Variants in CTNND2 observed in about 807,000 individuals in gnomAD.
CTNND2 encodes the protein catenin delta-2.
CTNND2 carries 22 observed loss-of-function variants against 144.4 expected under a neutral mutation model. The ratio of observed to expected loss-of-function variants is 0.15; its 90% CI spans 0.11 to 0.22. The LOEUF is 0.22. CTNND2 is among the 10% of genes least tolerant of loss of function. The pLI is 1.00. For synonymous variants in CTNND2, 751 were observed against 695.6 expected (o/e 1.08, Z -1.25); for missense variants, 1,353 against 1,618.8 (o/e 0.84, Z 2.82).
In CTNND2 at chr5:11,346,446, T is replaced by A; in HGVS notation, c.1554A>T (p.Lys518Asn). The stretch of plus-strand genomic sequence containing the variant: ...CTTCAGGCGGGAGAGCAGGGCCGGA[T>A]TTGCTGTATGGAGACTCAACAGAGG... ...YCPSVESPYS[K>N]SGPALPPEGT... The change falls in exon 9 of 22, where the codon AAA (lysine) becomes AAT (asparagine). Residue 518 changes from lysine to asparagine, a missense_variant. Transcript: ENST00000304623. 1 of 1,570,996 alleles carries A rather than the reference T, an allele frequency of 6.4e-7. No individual in the cohort carries two copies. The highest frequency in any genetic ancestry group is 8.6e-7 in the Non-Finnish European group (1 of 1,156,088).
chr5:11,746,847 T>C (rs796076421), intron 1 of CTNND2, among the ~76,000 whole-genome samples: 10 of 152,306 alleles, frequency 6.6e-5, no homozygotes, highest in African/African-American at 2.4e-4. Context: ...CAAGGAATTT[T>C]ACACGTACAA....
intron 3 of CTNND2, among the ~76,000 whole-genome samples, chr5:11,467,000 T>C (rs1022146838): frequency 2.0e-5 from 3 of 152,226 alleles, no homozygotes; most frequent in Non-Finnish European, 4.4e-5. Flanking sequence ...GCAAAAGACC[T>C]GAGCCAGGAC....
chr5:11,844,690 G>C (rs1193881525), intron 1 of CTNND2, among the ~76,000 whole-genome samples: 1 of 152,144 alleles, frequency 6.6e-6, no homozygotes, highest in African/African-American at 2.4e-5. Flanking sequence ...TAGGTACCAT[G>C]TATATTCTGT....
intron 1 of CTNND2, among the ~76,000 whole-genome samples, chr5:11,740,390 T>A (rs1787934629): frequency 6.6e-6 from 1 of 151,886 alleles, no homozygotes; most frequent in South Asian, 2.1e-4. Flanking sequence ...ACACCACACA[T>A]CTACAACCAT....
At chr5:11,242,647 C>T (rs1052653978) in intron 9 of CTNND2, among the ~76,000 whole-genome samples, 2 of 152,152 alleles carry the variant, frequency 1.3e-5, no homozygotes, top group African/African-American at 4.8e-5. Flanking sequence ...CCAAATGCCA[C>T]CAGAGCCCGA....
At chr5:11,726,436 T>C (rs902581293) in intron 2 of CTNND2, among the ~76,000 whole-genome samples, 2 of 152,292 alleles carry the variant, frequency 1.3e-5, no homozygotes, top group South Asian at 2.1e-4. Flanking sequence ...GAAATCTCCC[T>C]AAATATTTGC....
intron 11 of CTNND2, among the ~76,000 whole-genome samples, chr5:11,165,628 C>T (rs1209896769): frequency 1.3e-5 from 2 of 152,110 alleles, no homozygotes; most frequent in East Asian, 1.9e-4. Flanking sequence ...ATTGCTGTTC[C>T]AAATATAATT....
At chr5:11,098,068 G>A (rs890082680) in intron 15 of CTNND2, among the ~76,000 whole-genome samples, 1 of 152,180 alleles carries the variant, frequency 6.6e-6, no homozygotes, top group African/African-American at 2.4e-5. Context: ...TAACATGTTT[G>A]CCAAAGTCAA....
rs58951106 is a variant in CTNND2 at position 11,480,646 on chromosome 5, A to ATG, written c.288-68579_288-68578dup. On this transcript the variant is annotated intron_variant, in intron 3 of 21. Transcript: ENST00000304623. ...TGTTCTATGATTTGAAAATACATATATGTGTGTGTGTGTGTGTGTGTGTGT... is the reference window on the plus strand; with the variant it reads ...TGTTCTATGATTTGAAAATACATATATGTGTGTGTGTGTGTGTGTGTGTGTGT... Among the ~76,000 whole-genome samples, 831 of 149,120 alleles carry ATG rather than the reference A, an allele frequency of 5.6e-3. 2 individuals carry two copies. The highest frequency in any genetic ancestry group is 0.011 in the South Asian group (54 of 4,730).
chr5:11,165,592 T>C (rs1759241180), intron 11 of CTNND2, among the ~76,000 whole-genome samples: 1 of 152,232 alleles, frequency 6.6e-6, no homozygotes, highest in Admixed American at 6.5e-5. Context: ...TTCCATCCAA[T>C]AGCTTTCCTT....
intron 1 of CTNND2, among the ~76,000 whole-genome samples, chr5:11,804,211 CGAG>C (rs1791872318): frequency 6.6e-6 from 1 of 152,200 alleles, no homozygotes; most frequent in South Asian, 2.1e-4. Context: ...CAGTTACTGT[CGAG>C]GATACAGCAC....
At chr5:11,168,281 CA>C (rs539942833) in intron 11 of CTNND2, among the ~76,000 whole-genome samples, 1 of 152,144 alleles carries the variant, frequency 6.6e-6, no homozygotes, top group South Asian at 2.1e-4. Context: ...ATGCCTGTCC[CA>C]AACTGGATGC....
intron 3 of CTNND2, among the ~76,000 whole-genome samples, chr5:11,459,255 T>C (rs1165288799): frequency 6.6e-6 from 1 of 152,224 alleles, no homozygotes; most frequent in Non-Finnish European, 1.5e-5. Flanking sequence ...ATGCTGTCGA[T>C]GATGAAAATC....
chr5:11,310,404 C>T (rs1214055591), intron 9 of CTNND2, among the ~76,000 whole-genome samples: 3 of 151,944 alleles, frequency 2.0e-5, no homozygotes, highest in Admixed American at 6.5e-5. Context: ...TCTCCCTCTG[C>T]CTTCATCACT....
At chr5:11,264,902 GCC>G (rs1281906559) in intron 9 of CTNND2, among the ~76,000 whole-genome samples, 1 of 152,128 alleles carries the variant, frequency 6.6e-6, no homozygotes, top group Non-Finnish European at 1.5e-5. Flanking sequence ...CTGCACTCCA[GCC>G]TGGGTGACAG....
intron 3 of CTNND2, among the ~76,000 whole-genome samples, chr5:11,537,655 G>C (rs1774343689): frequency 6.6e-6 from 1 of 152,184 alleles, no homozygotes; most frequent in Non-Finnish European, 1.5e-5. Flanking sequence ...TTCACACTTA[G>C]GTTGGGGAGT....
chr5:11,567,347 C>CATGTTTCTTATGAATAA (rs1777201382), intron 2 of CTNND2, among the ~76,000 whole-genome samples: 1 of 151,982 alleles, frequency 6.6e-6, no homozygotes, highest in Non-Finnish European at 1.5e-5. Context: ...GTTTCTTATG[C>CATGTTTCTTATGAATAA]CTGGGTTATT....
intron 17 of CTNND2, among the ~76,000 whole-genome samples, chr5:11,022,225 C>T (rs998285627): frequency 3.3e-5 from 5 of 152,086 alleles, no homozygotes; most frequent in Admixed American, 6.5e-5. Context: ...ACAGCCTCTC[C>T]CTTAGGTTTA....
chr5:11,620,396 C>G (rs1211203633), intron 2 of CTNND2, among the ~76,000 whole-genome samples: 5 of 152,182 alleles, frequency 3.3e-5, no homozygotes, highest in African/African-American at 1.2e-4. Flanking sequence ...GGGCAGAGAG[C>G]ACACAATCCA....
Sources: gnomAD v4.1 joint callset for allele counts (sites outside exome capture counted in the v4.1 genomes callset) on GRCh38, gnomAD v4.1.1 for gene constraint, MANE v1.5 for transcripts, NCBI Gene and HGNC (gene_info 2026-07-23, HGNC 2026-07-21) for gene names.